Variants in ANKHD1 observed in about 807,000 individuals in gnomAD.
ANKHD1 encodes the protein ankyrin repeat and KH domain containing 1.
Under a neutral mutation model 230.5 loss-of-function variants are expected in ANKHD1, and 31 were observed. The observed-to-expected ratio is 0.13, with a 90% CI of 0.10 to 0.18. The LOEUF (loss-of-function observed/expected upper bound fraction) is 0.18. Among genes scored for constraint, ANKHD1 ranks in the 10% least tolerant of loss-of-function variants. ANKHD1 has a pLI of 1.00. For missense variants in ANKHD1, 2,256 were observed against 3,071.3 expected (o/e 0.73, Z 6.27); for synonymous variants, 1,074 against 1,117.6 (o/e 0.96, Z 0.78).
At chr5:140,539,212 T>C in intron 33 of ANKHD1, 129 bp downstream of exon 33, 2 of 1,518,584 alleles carry the variant, frequency 1.3e-6, no homozygotes, top group Non-Finnish European at 1.8e-6. Context: ...TTTTTCAATA[T>C]CAAGATGATG....
At chr5:140,463,237 G>C (rs929655814) in intron 9 of ANKHD1, among the ~76,000 whole-genome samples, 5 of 152,064 alleles carry the variant, frequency 3.3e-5, no homozygotes, top group East Asian at 1.9e-4. Context: ...GTCATTCTTT[G>C]TGATGTAAAA....
chr5:140,472,258 A>T, intron 10 of ANKHD1: 1 of 1,613,272 alleles, frequency 6.2e-7, no homozygotes. Flanking sequence ...GAGGACATGA[A>T]GACTATTTTG....
intron 5 of ANKHD1, among the ~76,000 whole-genome samples, chr5:140,441,681 A>G (rs1773858756): frequency 6.6e-6 from 1 of 152,174 alleles, no homozygotes; most frequent in Admixed American, 6.6e-5. Flanking sequence ...GAACAAGTCA[A>G]AAAGCTTGAT....
chr5:140,481,141 A>G (rs1432636705), intron 10 of ANKHD1, among the ~76,000 whole-genome samples: 1 of 152,072 alleles, frequency 6.6e-6, no homozygotes, highest in Non-Finnish European at 1.5e-5. Context: ...AAGTTGCTAA[A>G]TGGGCAATTT....
intron 1 of ANKHD1, among the ~76,000 whole-genome samples, chr5:140,407,993 A>G (rs1223564442): frequency 1.3e-5 from 2 of 152,104 alleles, no homozygotes; most frequent in Non-Finnish European, 2.9e-5. Flanking sequence ...CCTGGCCAAC[A>G]TGGTGAAAGC....
chr5:140,496,811 A>G lies in ANKHD1; in HGVS notation c.2537A>G (p.Gln846Arg). The G allele has an allele frequency of 6.2e-7, 1 of 1,614,168 alleles. No individual in the cohort carries two copies. The highest frequency in any genetic ancestry group is 8.5e-7 in the Non-Finnish European group (1 of 1,180,036). Residue 846 changes from glutamine to arginine, a missense_variant, in exon 15 of 34, where the codon CAG (glutamine) becomes CGG (arginine). Around this residue, in one of 13 missense-constraint regions of ANKHD1, gnomAD observed 358 missense variants for 397.7 expected, o/e 0.90. Transcript: ENST00000360839. ...KELQKVERQL[Q>R]MKTQQQFTKE... is the part of the protein sequence containing the mutation. ...CTGCAGAAAGTGGAAAGGCAGTTGC[A>G]GATGAAAACACAGCAGCAATTTACC... is the stretch of plus-strand genomic sequence containing the variant.
intron 15 of ANKHD1, among the ~76,000 whole-genome samples, chr5:140,497,692 T>G (rs942584633): frequency 1.3e-5 from 2 of 152,200 alleles, no homozygotes; most frequent in African/African-American, 4.8e-5. Context: ...CTTTTTTAAT[T>G]TGTAATTTTA....
chr5:140,424,415 C>T (rs1228826666), intron 1 of ANKHD1, among the ~76,000 whole-genome samples: 1 of 152,172 alleles, frequency 6.6e-6, no homozygotes, highest in Non-Finnish European at 1.5e-5. Flanking sequence ...TCCCAAGCAG[C>T]TCTGACTCCT....
At chr5:140,462,617 C>T (rs1184558755) in intron 9 of ANKHD1, among the ~76,000 whole-genome samples, 1 of 149,336 alleles carries the variant, frequency 6.7e-6, no homozygotes, top group Non-Finnish European at 1.5e-5. Flanking sequence ...CCCGGCTACT[C>T]AGGAGGCTGA....
intron 16 of ANKHD1, 35 bp downstream of exon 16, chr5:140,505,001 C>T (rs757649648): frequency 6.2e-7 from 1 of 1,610,556 alleles, no homozygotes; most frequent in Admixed American, 1.7e-5. Context: ...TTATTTTGCA[C>T]ATTCTGATCT....
intron 1 of ANKHD1, among the ~76,000 whole-genome samples, chr5:140,406,225 G>T (rs2126835482): frequency 6.7e-6 from 1 of 149,644 alleles, no homozygotes; most frequent in East Asian, 2.0e-4. Context: ...GTGACAGAGA[G>T]AGACTCTGTC....
intron 6 of ANKHD1, among the ~76,000 whole-genome samples, chr5:140,447,400 G>A (rs1445497402): frequency 1.3e-5 from 2 of 151,710 alleles, no homozygotes; most frequent in Non-Finnish European, 2.9e-5. Flanking sequence ...AGAGATGGGG[G>A]TCTCACTATG....
intron 20 of ANKHD1, among the ~76,000 whole-genome samples, chr5:140,509,344 G>T (rs1279797840): frequency 2.0e-5 from 3 of 152,166 alleles, no homozygotes; most frequent in Non-Finnish European, 4.4e-5. Flanking sequence ...ATTATGCAAA[G>T]AAATTATCTG....
intron 29 of ANKHD1, among the ~76,000 whole-genome samples, chr5:140,533,775 C>CAAAAAAAAA (rs1167136822): frequency 3.4e-5 from 1 of 29,660 alleles, no homozygotes; most frequent in African/African-American, 1.1e-4. Context: ...GACCCTGTCT[C>CAAAAAAAAA]AAAAAAAAAA....
chr5:140,417,751 AC>A (rs1480110850), intron 1 of ANKHD1, among the ~76,000 whole-genome samples: 16 of 148,614 alleles, frequency 1.1e-4, no homozygotes, highest in Non-Finnish European at 1.8e-4. Context: ...ACTGCACCCA[AC>A]CCAGTTACTT....
At chr5:140,465,711 T>C (rs975617642) in intron 10 of ANKHD1, among the ~76,000 whole-genome samples, 1 of 152,214 alleles carries the variant, frequency 6.6e-6, no homozygotes, top group African/African-American at 2.4e-5. Context: ...AGTATGATTG[T>C]TATTTATTAT....
At chr5:140,477,712 A>G (rs1047745964) in intron 10 of ANKHD1, among the ~76,000 whole-genome samples, 20 of 152,312 alleles carry the variant, frequency 1.3e-4, no homozygotes, top group African/African-American at 4.8e-4. Context: ...ACCGGGTTCA[A>G]GAAATTCTCC....
chr5:140,445,571 A>T (rs1174088887), intron 5 of ANKHD1, among the ~76,000 whole-genome samples, 171 bp from the exon 6 acceptor site: 1 of 152,210 alleles, frequency 6.6e-6, no homozygotes, highest in Non-Finnish European at 1.5e-5. Context: ...TTGAGATAAT[A>T]GTTGTAGTGA....
At chr5:140,462,607 C>T (rs1775781168) in intron 9 of ANKHD1, among the ~76,000 whole-genome samples, 1 of 151,166 alleles carries the variant, frequency 6.6e-6, no homozygotes, top group Non-Finnish European at 1.5e-5. Flanking sequence ...CGCCTATAGT[C>T]CCGGCTACTC....
Sources: gnomAD v4.1 joint callset for allele counts (sites outside exome capture counted in the v4.1 genomes callset) on GRCh38, gnomAD v4.1.1 for gene constraint, gnomAD v4.1.1 regional missense constraint, MANE v1.5 for transcripts, NCBI Gene and HGNC (gene_info 2026-07-23, HGNC 2026-07-21) for gene names.